Variants in PTPRM observed in about 807,000 individuals in gnomAD.
PTPRM encodes the protein receptor-type tyrosine-protein phosphatase mu.
A neutral mutation model predicts 186.7 loss-of-function variants in PTPRM; 47 were observed. That is an observed-to-expected ratio of 0.25 (90% CI 0.20 to 0.32). The LOEUF (loss-of-function observed/expected upper bound fraction) is 0.32, where lower values mean the gene tolerates loss of function less well. Among genes scored for constraint, PTPRM ranks in the 10% least tolerant of loss-of-function variants. PTPRM has a pLI of 1.00. For synonymous variants in PTPRM, 668 were observed against 674.9 expected (o/e 0.99, Z 0.16); for missense variants, 1,494 against 1,865.0 (o/e 0.80, Z 3.66).
chr18:7,580,596 A>G (rs914357278), intron 1 of PTPRM, among the ~76,000 whole-genome samples: 3 of 152,170 alleles, frequency 2.0e-5, no homozygotes, highest in African/African-American at 4.8e-5. Context: ...TGATAACCAT[A>G]TATTGAGCAC....
intron 7 of PTPRM, among the ~76,000 whole-genome samples, chr18:7,985,372 CGTATATAAATATAT>C (rs2082885384): frequency 1.8e-5 from 2 of 113,258 alleles, no homozygotes; most frequent in Non-Finnish European, 3.6e-5. Context: ...CTGGTATATA[CGTATATAAATATAT>C]ACATATACTG....
At chr18:8,081,860 G>T (rs898495594) in intron 9 of PTPRM, among the ~76,000 whole-genome samples, 5 of 152,148 alleles carry the variant, frequency 3.3e-5, no homozygotes, top group Non-Finnish European at 7.4e-5. Flanking sequence ...ATGAATTAGT[G>T]TATACATGTG....
intron 9 of PTPRM, among the ~76,000 whole-genome samples, chr18:8,081,703 C>T (rs2090138208): frequency 6.6e-6 from 1 of 152,132 alleles, no homozygotes; most frequent in Non-Finnish European, 1.5e-5. Context: ...AGAAGCTTTT[C>T]TCATTCTGAT....
intron 9 of PTPRM, among the ~76,000 whole-genome samples, chr18:8,079,654 A>C (rs1447751311): frequency 6.6e-6 from 1 of 152,160 alleles, no homozygotes; most frequent in Admixed American, 6.5e-5. Context: ...TAAACACCAG[A>C]TTCATGATCT....
At chr18:7,790,148 A>G (rs1342901740) in intron 2 of PTPRM, among the ~76,000 whole-genome samples, 1 of 152,188 alleles carries the variant, frequency 6.6e-6, no homozygotes, top group Non-Finnish European at 1.5e-5. Context: ...GCTAATGAAT[A>G]TGCTCTTTTG....
At chr18:8,243,008 G>A (rs1225972490) in intron 14 of PTPRM, among the ~76,000 whole-genome samples, 1 of 152,186 alleles carries the variant, frequency 6.6e-6, no homozygotes, top group Non-Finnish European at 1.5e-5. Context: ...TGCTGTGGGT[G>A]TTCTTAAACC....
chr18:7,790,203 T>TA (rs1486994890), intron 2 of PTPRM, among the ~76,000 whole-genome samples: 2 of 152,226 alleles, frequency 1.3e-5, no homozygotes, highest in East Asian at 3.8e-4. Context: ...AGTTCTTACT[T>TA]ACTTTTGCAT....
intron 9 of PTPRM, among the ~76,000 whole-genome samples, chr18:8,078,505 C>G (rs2089952096): frequency 6.6e-6 from 1 of 152,128 alleles, no homozygotes; most frequent in African/African-American, 2.4e-5. Context: ...GATAAATTGC[C>G]ATGGTTGGAA....
chr18:8,338,349 C>T (rs983864604), intron 22 of PTPRM, among the ~76,000 whole-genome samples: 1 of 140,148 alleles, frequency 7.1e-6, no homozygotes, highest in Non-Finnish European at 1.5e-5. Context: ...GGTTCTATGT[C>T]ATTACATTAA....
intron 1 of PTPRM, among the ~76,000 whole-genome samples, chr18:7,707,662 A>C (rs1276986010): frequency 6.6e-6 from 1 of 152,112 alleles, no homozygotes; most frequent in Non-Finnish European, 1.5e-5. Context: ...ATGAATACAT[A>C]AATATCTACT....
At chr18:8,000,203 C>T (rs1018560069) in intron 7 of PTPRM, among the ~76,000 whole-genome samples, 2 of 152,178 alleles carry the variant, frequency 1.3e-5, no homozygotes, top group Non-Finnish European at 2.9e-5. Flanking sequence ...GATGTCTAGG[C>T]TGCCTCTCAC....
rs554149256 is a variant in PTPRM, at chr18:8,126,356, A to G, written c.2167+11529A>G. Among the ~76,000 whole-genome samples, 33 of 152,026 alleles carry G rather than the reference A, an allele frequency of 2.2e-4. 1 individual carries two copies. The highest frequency in any genetic ancestry group is 4.0e-4 in the Non-Finnish European group (27 of 67,968). ...CAAGATTACAAAATATCTCTTTTTAATATGTATATATATATAAATTTAATA... is the reference window on the plus strand; with the variant it reads ...CAAGATTACAAAATATCTCTTTTTAGTATGTATATATATATAAATTTAATA... On this transcript the variant is annotated intron_variant, in intron 13 of 32. Transcript: ENST00000580170.
chr18:8,039,622 C>G (rs1460832770), intron 7 of PTPRM, among the ~76,000 whole-genome samples: 1 of 152,068 alleles, frequency 6.6e-6, no homozygotes, highest in East Asian at 1.9e-4. Flanking sequence ...CTACGTTAAG[C>G]AAAATGATAT....
intron 2 of PTPRM, among the ~76,000 whole-genome samples, chr18:7,803,206 A>G (rs1421774367): frequency 6.6e-6 from 1 of 152,224 alleles, no homozygotes; most frequent in African/African-American, 2.4e-5. Context: ...TCTAGAGACT[A>G]GAAACCCCCA....
chr18:7,581,213 G>A (rs1055268886), intron 1 of PTPRM, among the ~76,000 whole-genome samples: 1 of 152,128 alleles, frequency 6.6e-6, no homozygotes, highest in African/African-American at 2.4e-5. Flanking sequence ...AGGTGGGCAC[G>A]GGATTCCAAG....
intron 14 of PTPRM, among the ~76,000 whole-genome samples, chr18:8,146,423 T>TA (rs2092887761): frequency 1.3e-5 from 2 of 152,310 alleles, no homozygotes; most frequent in South Asian, 4.1e-4. Flanking sequence ...AGCATTTTTT[T>TA]ATATGTTGGT....
At chr18:8,205,227 A>G (rs887822813) in intron 14 of PTPRM, among the ~76,000 whole-genome samples, 2 of 152,192 alleles carry the variant, frequency 1.3e-5, no homozygotes, top group Non-Finnish European at 2.9e-5. Context: ...AGAAACAGTC[A>G]TTTCTCGCTG....
At chr18:8,348,662 T>G (rs1205834080) in intron 23 of PTPRM, among the ~76,000 whole-genome samples, 1 of 152,238 alleles carries the variant, frequency 6.6e-6, no homozygotes, top group Non-Finnish European at 1.5e-5. Context: ...TCAAAAACTC[T>G]GTTGTGGTAT....
intron 14 of PTPRM, among the ~76,000 whole-genome samples, chr18:8,151,758 G>C (rs2093012918): frequency 6.7e-6 from 1 of 148,680 alleles, no homozygotes; most frequent in African/African-American, 2.5e-5. Context: ...ATCTTGTTTT[G>C]TGCTTGAAAC....
Sources: gnomAD v4.1 joint callset for allele counts (sites outside exome capture counted in the v4.1 genomes callset) on GRCh38, gnomAD v4.1.1 for gene constraint, MANE v1.5 for transcripts, NCBI Gene and HGNC (gene_info 2026-07-23, HGNC 2026-07-21) for gene names.